The following FIGLA variants were observed in gnomAD, a reference collection of about 807,000 sequenced individuals.
The protein encoded by FIGLA is folliculogenesis specific bHLH transcription factor.
Under a neutral mutation model 21.5 loss-of-function variants are expected in FIGLA, and 17 were observed. The ratio of observed to expected loss-of-function variants is 0.79; its 90% confidence interval spans 0.54 to 1.19. The LOEUF (loss-of-function observed/expected upper bound fraction) is 1.19. FIGLA is among the 50% of genes most tolerant of loss of function. The pLI is 0.00. For synonymous variants in FIGLA, 129 were observed against 117.6 expected (o/e 1.10, Z -0.63); for missense variants, 282 against 285.0 (o/e 0.99, Z 0.08).
At chr2:70,782,790 T>C (rs888301921) in intron 3 of FIGLA, among the ~76,000 whole-genome samples, 5 of 152,148 alleles carry the variant, frequency 3.3e-5, no homozygotes, top group Non-Finnish European at 7.3e-5. Context: ...AATTAATGGC[T>C]GGGCATGGTG....
chr2:70,787,438 T>C (rs887809447), intron 2 of FIGLA, among the ~76,000 whole-genome samples: 3 of 152,216 alleles, frequency 2.0e-5, no homozygotes, highest in African/African-American at 7.2e-5. Context: ...CATGTAGCTC[T>C]GGGTTCAAAT....
intron 3 of FIGLA, 124 bp downstream of exon 3, chr2:70,785,291 C>T: frequency 2.3e-6 from 2 of 875,720 alleles, no homozygotes; most frequent in Non-Finnish European, 3.5e-6. Flanking sequence ...ACTGCCCCAC[C>T]CAAAGGCTTT....
rs539613970 is a variant in FIGLA, at chr2:70,786,526, G to A, written c.385-887C>T. Among the ~76,000 whole-genome samples the A allele has an allele frequency of 1.7e-4, 26 of 152,054 alleles. 1 individual carries two copies. The highest frequency in any genetic ancestry group is 3.1e-4 in the Non-Finnish European group (21 of 67,994). Reference sequence around the variant, plus strand: ...TCACCATGTTAGCCAGGATGGTCTCGATCTCCTGACCTCATGATCTGCCTG... The same window carrying A: ...TCACCATGTTAGCCAGGATGGTCTCAATCTCCTGACCTCATGATCTGCCTG... On this transcript the variant is annotated intron_variant, in intron 2 of 4. Transcript: ENST00000332372.
chr2:70,777,340 G>A lies in FIGLA; in HGVS notation c.*27C>T. 7.0e-7 allele frequency: 1 copy of A among 1,437,656 alleles called. No individual in the cohort carries two copies. Among genetic ancestry groups the A allele is most frequent in the Non-Finnish European group, 9.3e-7 (1 of 1,073,664 alleles). 89.1% of individuals were successfully genotyped at this position (1,437,656 alleles called of 1,614,324 possible). A position where few individuals can be genotyped will look rare whatever the true frequency, so the allele number is the denominator to read the frequency against. On this transcript the variant is annotated 3_prime_UTR_variant, in exon 5 of 5. Transcript: ENST00000332372. ...TCAAGACTGCATTTATTTGTCTCTA[G>A]AAGGTAACCCTGGGCCTTTTCATTT...
intron 3 of FIGLA, among the ~76,000 whole-genome samples, chr2:70,779,347 C>T: frequency 6.6e-6 from 1 of 152,164 alleles, no homozygotes; most frequent in Non-Finnish European, 1.5e-5. Flanking sequence ...GATGACTGTG[C>T]TTCTCAAGCA....
chr2:70,786,371 T>G lies in FIGLA; in HGVS notation c.385-732A>C, dbSNP rs1010467879. On this transcript the variant is annotated intron_variant, in intron 2 of 4. Coordinates refer to ENST00000332372, the MANE Select transcript of FIGLA (RefSeq NM_001004311.3). ...CAGGCTGGAGTGCAGTGGCGCCATC[T>G]CAGCTCACTGCAAGCTCCGCCTCCC... 9.9e-5 allele frequency among the ~76,000 whole-genome samples: 15 copies of G among 151,940 alleles called. No individual in the cohort carries two copies. In the South Asian group the frequency reaches 1.7e-3, roughly 17 times the overall value.
At position 70,787,807 on chromosome 2, in the gene FIGLA, A is replaced by T; in HGVS notation, c.232-6T>A. On this transcript the variant is annotated splice_region_variant and splice_polypyrimidine_tract_variant and intron_variant, in intron 1 of 4. Coordinates refer to ENST00000332372, the MANE Select transcript of FIGLA (RefSeq NM_001004311.3). ...CCACGGTTGAGATTTTTTATCTAGA[A>T]AACAAAAAGGCACAGTAACACACAG... is the stretch of plus-strand genomic sequence containing the variant. 2 of 1,611,714 alleles carry T rather than the reference A, an allele frequency of 1.2e-6. No individual in the cohort carries two copies. The highest frequency in any genetic ancestry group is 2.7e-5 in the African/African-American group (2 of 74,870).
At chr2:70,790,337 G>T in intron 1 of FIGLA, 71 bp downstream of exon 1, 1 of 1,412,892 alleles carries the variant, frequency 7.1e-7, no homozygotes, top group South Asian at 1.5e-5. Flanking sequence ...GCGGACCCCC[G>T]GGTGTTGACC....
intron 3 of FIGLA, among the ~76,000 whole-genome samples, chr2:70,781,740 TA>T (rs1675860555): frequency 6.6e-6 from 1 of 152,152 alleles, no homozygotes; most frequent in African/African-American, 2.4e-5. Context: ...AGATAAATTA[TA>T]GAGGTGGAGA....
chr2:70,786,538 T>C (rs1465792886), intron 2 of FIGLA, among the ~76,000 whole-genome samples: 2 of 152,100 alleles, frequency 1.3e-5, no homozygotes, highest in Non-Finnish European at 2.9e-5. Context: ...TCTCCTGACC[T>C]CATGATCTGC....
At chr2:70,788,953 G>A (rs941057176) in intron 1 of FIGLA, among the ~76,000 whole-genome samples, 1 of 152,130 alleles carries the variant, frequency 6.6e-6, no homozygotes, top group Non-Finnish European at 1.5e-5. Flanking sequence ...CGCACATAGA[G>A]TTACACCGAT....
At chr2:70,786,902 A>G (rs993465030) in intron 2 of FIGLA, among the ~76,000 whole-genome samples, 10 of 151,892 alleles carry the variant, frequency 6.6e-5, no homozygotes, top group African/African-American at 2.2e-4. Flanking sequence ...CCTCCTACCA[A>G]CAGAGTTGCT....
At chr2:70,787,547 C>G in intron 2 of FIGLA, 102 bp downstream of exon 2, 1 of 1,224,762 alleles carries the variant, frequency 8.2e-7, no homozygotes, top group Non-Finnish European at 1.1e-6. Flanking sequence ...GGTTATAAAC[C>G]TTAAGTGGAA....
Position 70,783,036 on chromosome 2 carries a change from A to G in FIGLA, c.609+2379T>C, listed in dbSNP as rs537655628. Among the ~76,000 whole-genome samples, 283 of 146,182 alleles carry G rather than the reference A, an allele frequency of 1.9e-3. 2 individuals are homozygous for G. Among genetic ancestry groups the G allele is most frequent in the African/African-American group, 7.0e-3 (270 of 38,640 alleles). ...TGGTGCCACTGCACTCCAGCCTGGC[A>G]ACAGAGCGAGACTCTGTCTCAAAAA... On this transcript the variant is annotated intron_variant, in intron 3 of 4. Transcript: ENST00000332372.
intron 3 of FIGLA, among the ~76,000 whole-genome samples, chr2:70,784,705 T>C (rs1291851910): frequency 1.3e-5 from 2 of 152,170 alleles, no homozygotes; most frequent in Non-Finnish European, 2.9e-5. Flanking sequence ...ACAGCATGCT[T>C]ACTTCACATT....
At chr2:70,779,700 C>T (rs2024455) in intron 3 of FIGLA, among the ~76,000 whole-genome samples, 17,205 of 152,140 alleles carry the variant, frequency 0.11, 1,047 homozygotes, top group East Asian at 0.17. Context: ...GCCCCTGTAA[C>T]AGATACTATG....
At chr2:70,787,194 C>A (rs1336729494) in intron 2 of FIGLA, among the ~76,000 whole-genome samples, 1 of 152,300 alleles carries the variant, frequency 6.6e-6, no homozygotes, top group South Asian at 2.1e-4. Flanking sequence ...CTTCAGTTGG[C>A]CTTAGGGAGG....
At position 70,783,700 on chromosome 2, in the gene FIGLA, A is replaced by ATT. The variant is rs140083581; in HGVS notation, c.609+1713_609+1714dup. Among the ~76,000 whole-genome samples the ATT allele has an allele frequency of 8.0e-3, 1,140 of 141,696 alleles. 9 individuals are homozygous for ATT. The highest frequency in any genetic ancestry group is 9.5e-3 in the African/African-American group (365 of 38,510). 93.0% of individuals were successfully genotyped at this position (141,696 alleles called of 152,430 possible). A position where few individuals can be genotyped will look rare whatever the true frequency, so the allele number is the denominator to read the frequency against. ...TCAGGCTCAAGGTCTAGCTCAGGTC[A>ATT]TTTTTTTTTTTTTTTTGAGATGGTG... On this transcript the variant is annotated intron_variant, in intron 3 of 4. Transcript: ENST00000332372.
intron 3 of FIGLA, among the ~76,000 whole-genome samples, chr2:70,782,220 A>G (rs530559921): frequency 6.6e-6 from 1 of 152,380 alleles, no homozygotes; most frequent in South Asian, 2.1e-4. Flanking sequence ...GCAAGTGATC[A>G]AAGTGAATAT....
Sources: gnomAD v4.1 joint callset for allele counts (sites outside exome capture counted in the v4.1 genomes callset) on GRCh38, gnomAD v4.1.1 for gene constraint, MANE v1.5 for transcripts, NCBI Gene and HGNC (gene_info 2026-07-23, HGNC 2026-07-21) for gene names.